The following METTL22 variants were observed in gnomAD, a reference collection of about 807,000 sequenced individuals.
METTL22 encodes methyltransferase 22, Kin17 lysine.
A neutral mutation model predicts 48.4 loss-of-function variants in METTL22; 51 were observed. That is an observed-to-expected ratio of 1.05 (90% CI 0.84 to 1.33). The LOEUF (loss-of-function observed/expected upper bound fraction) is 1.33. METTL22 is among the 40% of genes most tolerant of loss of function. The pLI is 0.00. For synonymous variants in METTL22, 255 were observed against 214.1 expected (o/e 1.19, Z -1.67); for missense variants, 678 against 526.9 (o/e 1.29, Z -2.81).
chr16:8,636,739 G>A (rs907610175), intron 5 of METTL22, among the ~76,000 whole-genome samples: 6 of 151,794 alleles, frequency 4.0e-5, no homozygotes, highest in Non-Finnish European at 7.4e-5. Flanking sequence ...AGGAGTGGGC[G>A]GTGTTAGTTA....
At chr16:8,631,954 G>A (rs1894864) in intron 3 of METTL22, 150,186 of 152,328 alleles carry the variant, frequency 0.99, 74,083 homozygotes, top group Middle Eastern at 1. Flanking sequence ...GACCGCGCCC[G>A]GCCCAGGGCT....
chr16:8,628,123 C>T (rs774470519), intron 2 of METTL22, among the ~76,000 whole-genome samples: 2 of 152,222 alleles, frequency 1.3e-5, no homozygotes, highest in Non-Finnish European at 2.9e-5. Flanking sequence ...ACACAGAATG[C>T]AGTTTTACTA....
chr16:8,635,811 A>T (rs1488602464), intron 5 of METTL22, among the ~76,000 whole-genome samples: 1 of 152,182 alleles, frequency 6.6e-6, no homozygotes, highest in African/African-American at 2.4e-5. Context: ...TCATTTCTAG[A>T]TGTAGGAGGC....
intron 3 of METTL22, among the ~76,000 whole-genome samples, chr16:8,630,543 C>T (rs1009930771): frequency 6.6e-6 from 1 of 152,010 alleles, no homozygotes; most frequent in Non-Finnish European, 1.5e-5. Flanking sequence ...TCAGGGGGGC[C>T]GACGATGGCT....
chr16:8,666,508 C>G, the METTL22 span, among the ~76,000 whole-genome samples: 1 of 152,204 alleles, frequency 6.6e-6, no homozygotes, highest in Admixed American at 6.5e-5. Context: ...CTAATATTTG[C>G]TGAGTGCTTA....
chr16:8,654,888 C>A, the METTL22 span, among the ~76,000 whole-genome samples: 1 of 152,158 alleles, frequency 6.6e-6, no homozygotes, highest in African/African-American at 2.4e-5. Flanking sequence ...TGAAGTTCCA[C>A]CATAAGTTTT....
chr16:8,628,154 G>A (rs1282215330), intron 2 of METTL22, among the ~76,000 whole-genome samples: 1 of 152,210 alleles, frequency 6.6e-6, no homozygotes, highest in Non-Finnish European at 1.5e-5. Context: ...AATTAACACA[G>A]CCTGTAATTA....
At chr16:8,663,081 G>A in the METTL22 span, among the ~76,000 whole-genome samples, 57 of 151,176 alleles carry the variant, frequency 3.8e-4, no homozygotes, top group Middle Eastern at 3.4e-3. Flanking sequence ...GATGGCAGGC[G>A]CCTATAATCA....
chr16:8,629,452 G>A (rs574915061), intron 3 of METTL22, among the ~76,000 whole-genome samples: 1 of 152,330 alleles, frequency 6.6e-6, no homozygotes, highest in East Asian at 1.9e-4. Flanking sequence ...TCCCACATCT[G>A]TGCTCTTGCT....
chr16:8,627,070 G>C (rs1044524197), intron 2 of METTL22, among the ~76,000 whole-genome samples: 12 of 152,030 alleles, frequency 7.9e-5, no homozygotes, highest in African/African-American at 2.9e-4. Flanking sequence ...CCCTAGTCCA[G>C]CCACCTCTGT....
rs1180991840 is a variant in METTL22, at chr16:8,647,326, A to G, written c.*1183A>G. 6.5e-6 allele frequency: 1 copy of G among 154,640 alleles called. No individual in the cohort carries two copies. Among genetic ancestry groups the G allele is most frequent in the East Asian group, 1.9e-4 (1 of 5,222 alleles). The allele number at this position is 154,640 out of a possible 1,614,324, so 9.6% of individuals were successfully genotyped here. On this transcript the variant is annotated 3_prime_UTR_variant, in exon 11 of 11. Coordinates refer to ENST00000381920, the MANE Select transcript of METTL22 (RefSeq NM_024109.4). ...GAGGTCCAAAAAGGAAAAAGTCTCC[A>G]TGAGGTCAGGGACCTTGTTTGTCTT...
chr16:8,651,622 G>C (rs1234030324), downstream of METTL22, among the ~76,000 whole-genome samples: 2 of 151,938 alleles, frequency 1.3e-5, no homozygotes, highest in African/African-American at 4.8e-5. Context: ...TAAATAAAAG[G>C]GATCCTGTTT....
At chr16:8,631,977 A>G (rs551518095) in intron 3 of METTL22, 4 of 152,184 alleles carry the variant, frequency 2.6e-5, no homozygotes, top group Non-Finnish European at 5.9e-5. Flanking sequence ...CATACTGGGC[A>G]TTTGTTGTGA....
At chr16:8,629,240 T>C in intron 3 of METTL22, 130 bp downstream of exon 3, 1 of 1,230,158 alleles carries the variant, frequency 8.1e-7, no homozygotes, top group South Asian at 1.4e-5. Context: ...CCAGCTCGGG[T>C]GAGACTGGGG....
chr16:8,659,459 C>A, the METTL22 span, among the ~76,000 whole-genome samples: 2 of 152,108 alleles, frequency 1.3e-5, no homozygotes, highest in African/African-American at 2.4e-5. Context: ...CAAATATCTA[C>A]CAAGGAGTGT....
At position 8,629,025 on chromosome 16, in the gene METTL22, G is replaced by T. The variant is rs563254628; in HGVS notation, c.429G>T (p.Lys143Asn). ...DSNPAGPLRD[K>N]VHPMILAQEE... ...ACCCAGCAGGGCCTCTGAGAGACAA[G>T]GTACATCCCATGATTCTAGCACAGG... The change falls in exon 3 of 11, where the codon AAG (lysine) becomes AAT (asparagine). Residue 143 changes from lysine to asparagine, a missense_variant. By Grantham distance (94) the Lys-to-Asn change is moderately conservative (BLOSUM62 0). Coordinates refer to ENST00000381920, the MANE Select transcript of METTL22 (RefSeq NM_024109.4). 6.1e-5 allele frequency: 98 copies of T among 1,614,106 alleles called. 4 individuals carry two copies. The South Asian group carries it at 1.0e-3, about 17-fold the overall frequency.
intron 7 of METTL22, 106 bp from the exon 8 acceptor site, chr16:8,642,021 C>T: frequency 1.1e-6 from 1 of 870,046 alleles, no homozygotes; most frequent in Non-Finnish European, 2.0e-6. Context: ...CCGAGCTACC[C>T]CCAGCCCTGT....
chr16:8,636,522 A>T, intron 5 of METTL22, among the ~76,000 whole-genome samples: 1 of 3,830 alleles, frequency 2.6e-4, no homozygotes, highest in Non-Finnish European at 4.2e-3. Context: ...CTCTGTCTCA[A>T]AAAAAAAAAA....
At chr16:8,637,273 G>T (rs918713981) in intron 5 of METTL22, among the ~76,000 whole-genome samples, 1 of 152,156 alleles carries the variant, frequency 6.6e-6, no homozygotes, top group Non-Finnish European at 1.5e-5. Context: ...GTTAACCACT[G>T]GTCAGGAGTC....
Sources: allele counts gnomAD v4.1 joint callset (sites outside exome capture counted in the v4.1 genomes callset), GRCh38; gene constraint gnomAD v4.1.1; transcripts MANE v1.5; gene names NCBI Gene and HGNC (gene_info 2026-07-23, HGNC 2026-07-21).